Variants in ADRA1B observed in about 807,000 individuals in gnomAD.
ADRA1B encodes the protein alpha-1B adrenergic receptor.
Under a neutral mutation model 17.9 loss-of-function variants are expected in ADRA1B, and 17 were observed. The observed-to-expected ratio is 0.95, with a 90% CI of 0.65 to 1.42. ADRA1B has a LOEUF of 1.42. Ranked by LOEUF, ADRA1B falls within the 40% of genes most tolerant of loss-of-function variation. The pLI is 0.00. For synonymous variants in ADRA1B, 366 were observed against 327.6 expected, an observed-to-expected ratio of 1.12 and a Z score of -1.27; for missense variants, 681 against 722.1, an observed-to-expected ratio of 0.94 and a Z score of 0.65.
chr5:159,898,155 T>G (rs1053207021), intron 1 of ADRA1B, among the ~76,000 whole-genome samples: 3 of 152,214 alleles, frequency 2.0e-5, no homozygotes, highest in Non-Finnish European at 2.9e-5. Context: ...AGGAACCAGT[T>G]GTGTTGGCAT....
Position 159,972,199 on chromosome 5 carries a change from G to A in ADRA1B, c.1270G>A (p.Ala424Thr). The change falls in exon 2 of 2, where the codon GCC (alanine) becomes ACC (threonine). Residue 424 changes from alanine to threonine, a missense_variant. Coordinates refer to ENST00000306675, the MANE Select transcript of ADRA1B (RefSeq NM_000679.4). The stretch of plus-strand genomic sequence containing the variant: ...CGGCAGCCAGCGGACCCTGCCCTCG[G>A]CCTCGCCGAGCCCGGGCTACCTGGG... ...LSGSQRTLPS[A>T]SPSPGYLGRG... 7.3e-7 allele frequency: 1 copy of A among 1,361,126 alleles called. No individual in the cohort carries two copies. Among genetic ancestry groups the A allele is most frequent in the Admixed American group, 2.9e-5 (1 of 34,128 alleles). 84.3% of individuals were successfully genotyped at this position (1,361,126 alleles called of 1,614,324 possible).
At chr5:159,902,624 AT>A (rs1754115328) in intron 1 of ADRA1B, among the ~76,000 whole-genome samples, 1 of 152,184 alleles carries the variant, frequency 6.6e-6, no homozygotes, top group Admixed American at 6.5e-5. Flanking sequence ...CTGTTGCCAC[AT>A]CTTAGTCAAC....
intron 1 of ADRA1B, among the ~76,000 whole-genome samples, chr5:159,931,173 T>C (rs1370542095): frequency 6.6e-6 from 1 of 151,254 alleles, no homozygotes; most frequent in Non-Finnish European, 1.5e-5. Flanking sequence ...GAGGATCACT[T>C]GAGCCCAGGA....
At chr5:159,922,273 C>T (rs903817675) in intron 1 of ADRA1B, among the ~76,000 whole-genome samples, 2 of 152,184 alleles carry the variant, frequency 1.3e-5, no homozygotes, top group African/African-American at 2.4e-5. Flanking sequence ...AAAGTAACTG[C>T]TCCCTTTTTA....
At chr5:159,906,144 C>T (rs1036867397) in intron 1 of ADRA1B, among the ~76,000 whole-genome samples, 4 of 152,226 alleles carry the variant, frequency 2.6e-5, no homozygotes, top group Non-Finnish European at 5.9e-5. Context: ...GGTAAGCCAC[C>T]GCACCAACCA....
chr5:159,965,213 C>T (rs1043971393), intron 1 of ADRA1B, among the ~76,000 whole-genome samples: 8 of 152,216 alleles, frequency 5.3e-5, no homozygotes, highest in African/African-American at 1.9e-4. Context: ...TCACTCCCCT[C>T]ACCCTCACTG....
chr5:159,910,924 TTTTG>T (rs1754221010), intron 1 of ADRA1B, among the ~76,000 whole-genome samples: 1 of 152,184 alleles, frequency 6.6e-6, no homozygotes, highest in Non-Finnish European at 1.5e-5. Flanking sequence ...TTTGCAGTTT[TTTTG>T]TTTGTTTGTT....
intron 1 of ADRA1B, among the ~76,000 whole-genome samples, chr5:159,890,112 C>T (rs1238982013): frequency 2.0e-5 from 3 of 152,136 alleles, no homozygotes; most frequent in Non-Finnish European, 4.4e-5. Flanking sequence ...GAGGGTCCGG[C>T]TCCAAACCTA....
Position 159,972,384 on chromosome 5 carries a change from C to G in ADRA1B, c.1455C>G (p.Pro485=). ...AGCTCCTGACCGAGCCCGAGAGCCC[C>G]GGGACCGACGGCGGCGCCAGCAACG... The part of the protein sequence containing the change: ...TFKLLTEPES[P]GTDGGASNGG... The change falls in exon 2 of 2, where the codon CCC becomes CCG. Residue 485 remains proline (P), a synonymous_variant. Coordinates refer to ENST00000306675, the MANE Select transcript of ADRA1B (RefSeq NM_000679.4). The G allele has an allele frequency of 6.6e-7, 1 of 1,513,250 alleles. No homozygotes were observed. Among genetic ancestry groups the G allele is most frequent in the Non-Finnish European group, 8.8e-7 (1 of 1,136,816 alleles). The allele number at this position is 1,513,250 out of a possible 1,614,324, so 93.7% of individuals were successfully genotyped here.
intron 1 of ADRA1B, among the ~76,000 whole-genome samples, chr5:159,910,139 T>C (rs1388271617): frequency 1.3e-5 from 2 of 152,160 alleles, no homozygotes; most frequent in East Asian, 1.9e-4. Flanking sequence ...ATAATAATAG[T>C]AGAGTTCTTT....
chr5:159,946,819 T>A (rs1482632256), intron 1 of ADRA1B, among the ~76,000 whole-genome samples: 2 of 152,238 alleles, frequency 1.3e-5, no homozygotes, highest in Non-Finnish European at 2.9e-5. Context: ...TCTAGAATCA[T>A]CTGGAATCCA....
In ADRA1B at chr5:159,865,440, C is replaced by T. The variant is rs376772048; in HGVS notation, c.-256+234C>T. On this transcript the variant is annotated intron_variant, in intron 1 of 2. Coordinates refer to the ADRA1B transcript ENST00000641205. ...AATGAGAGAAGTTTTTGGGTGAAAC[C>T]GAAAAGAAAAGCGTAACTCGCATGG... Among the ~76,000 whole-genome samples, 14 of 151,940 alleles carry T rather than the reference C, an allele frequency of 9.2e-5. No individual in the cohort carries two copies. In the East Asian group the frequency reaches 9.6e-4, roughly 10 times the overall value.
intron 1 of ADRA1B, among the ~76,000 whole-genome samples, chr5:159,896,607 C>T (rs780243385): frequency 1.2e-3 from 178 of 152,300 alleles, no homozygotes; most frequent in African/African-American, 4.2e-3. Flanking sequence ...GGTTTGGAAA[C>T]GAAATATGAT....
chr5:159,915,824 T>C (rs1284279232), upstream of ADRA1B, among the ~76,000 whole-genome samples: 2 of 152,240 alleles, frequency 1.3e-5, no homozygotes, highest in Admixed American at 6.5e-5. Context: ...TAGTATACTG[T>C]CTGTCTTCTG....
chr5:159,902,705 G>A (rs890026556), intron 1 of ADRA1B, among the ~76,000 whole-genome samples: 2 of 152,168 alleles, frequency 1.3e-5, no homozygotes, highest in Non-Finnish European at 2.9e-5. Flanking sequence ...CATGATGCCT[G>A]GCACAAAGCC....
chr5:159,869,229 C>A (rs1275965724), intron 1 of ADRA1B: 3 of 152,226 alleles, frequency 2.0e-5, no homozygotes, highest in Non-Finnish European at 2.9e-5. Context: ...CCACCCTGGA[C>A]AAACCATTCC....
chr5:159,924,786 G>A (rs571998814), intron 1 of ADRA1B, among the ~76,000 whole-genome samples: 1 of 152,312 alleles, frequency 6.6e-6, no homozygotes, highest in South Asian at 2.1e-4. Flanking sequence ...ACTGATGTCT[G>A]CTGGGCAGCA....
At chr5:159,913,162 G>A (rs1363585717), upstream of ADRA1B, among the ~76,000 whole-genome samples, 1 of 152,158 alleles carries the variant, frequency 6.6e-6, no homozygotes. Context: ...CAACATCAGA[G>A]GTTTCTAATG....
Position 159,972,454 on chromosome 5 carries a change from T to A in ADRA1B, c.1525T>A (p.Phe509Ile), listed in dbSNP as rs1269138945. 2.7e-6 allele frequency: 4 copies of A among 1,477,010 alleles called. No homozygotes were observed. The African/African-American group carries it at 5.8e-5, about 21-fold the overall frequency. 91.5% of individuals were successfully genotyped at this position (1,477,010 alleles called of 1,614,324 possible). A position where few individuals can be genotyped will look rare whatever the true frequency, so the allele number is the denominator to read the frequency against. The change falls in exon 2 of 2, where the codon TTC (phenylalanine) becomes ATC (isoleucine). Residue 509 changes from phenylalanine to isoleucine, a missense_variant. Transcript: ENST00000306675. ...AADVANGQPG[F>I]KSNMPLAPGQ... ...CGACGTGGCCAACGGGCAGCCGGGC[T>A]TCAAAAGCAACATGCCCCTGGCGCC...
Sources: gnomAD v4.1 joint callset for allele counts (sites outside exome capture counted in the v4.1 genomes callset) on GRCh38, gnomAD v4.1.1 for gene constraint, MANE v1.5 for transcripts, NCBI Gene and HGNC (gene_info 2026-07-23, HGNC 2026-07-21) for gene names.